Variants in NFASC observed in about 807,000 individuals in gnomAD.
The protein encoded by NFASC is neurofascin homolog.
A neutral mutation model predicts 147.5 loss-of-function variants in NFASC; 43 were observed. The observed-to-expected ratio is 0.29, with a 90% CI of 0.23 to 0.38. The LOEUF (loss-of-function observed/expected upper bound fraction) is 0.38, where lower values mean the gene tolerates loss of function less well. Ranked by LOEUF, NFASC falls within the 10% of genes least tolerant of loss-of-function variation. The pLI is 1.00. For synonymous variants in NFASC, 622 were observed against 665.5 expected, an observed-to-expected ratio of 0.93 and a Z score of 1.01; for missense variants, 1,320 against 1,689.0, an observed-to-expected ratio of 0.78 and a Z score of 3.83.
chr1:204,922,023 G>T (rs1182458901), intron 2 of NFASC, among the ~76,000 whole-genome samples: 1 of 152,178 alleles, frequency 6.6e-6, no homozygotes, highest in Non-Finnish European at 1.5e-5. Flanking sequence ...TTTGGCAGGG[G>T]TGGCGCGGGC....
chr1:204,909,028 A>G (rs1216731292), intron 1 of NFASC, among the ~76,000 whole-genome samples: 1 of 152,242 alleles, frequency 6.6e-6, no homozygotes, highest in Non-Finnish European at 1.5e-5. Flanking sequence ...CCTATTATGA[A>G]TAAAGCTGTT....
At chr1:204,853,782 G>A (rs1258536308) in intron 1 of NFASC, among the ~76,000 whole-genome samples, 1 of 152,182 alleles carries the variant, frequency 6.6e-6, no homozygotes, top group Non-Finnish European at 1.5e-5. Context: ...GTGTGAATGA[G>A]TTTCTTAGCT....
At chr1:204,996,336 G>C (rs1369521082) in intron 24 of NFASC, among the ~76,000 whole-genome samples, 1 of 152,188 alleles carries the variant, frequency 6.6e-6, no homozygotes, top group Non-Finnish European at 1.5e-5. Context: ...GGGCTGGGAA[G>C]GTGGTGCTGC....
intron 27 of NFASC, among the ~76,000 whole-genome samples, chr1:205,008,058 C>T (rs1458112006): frequency 6.6e-6 from 1 of 152,148 alleles, no homozygotes; most frequent in Admixed American, 6.5e-5. Flanking sequence ...CCCGGGGCGC[C>T]CTGGGCAACC....
intron 1 of NFASC, among the ~76,000 whole-genome samples, chr1:204,868,378 A>T (rs1192114762): frequency 6.6e-6 from 1 of 152,068 alleles, no homozygotes; most frequent in African/African-American, 2.4e-5. Context: ...GAGGAGCACG[A>T]CCTGGCTGCC....
At chr1:204,940,483 T>G (rs922161189) in intron 2 of NFASC, among the ~76,000 whole-genome samples, 4 of 151,506 alleles carry the variant, frequency 2.6e-5, no homozygotes, top group South Asian at 2.1e-4. Context: ...AAGTGCACAA[T>G]TCAGTAGCAT....
At chr1:204,842,451 C>CT (rs954463998) in intron 1 of NFASC, among the ~76,000 whole-genome samples, 1 of 151,712 alleles carries the variant, frequency 6.6e-6, no homozygotes, top group African/African-American at 2.4e-5. Flanking sequence ...CCTTTTTTCT[C>CT]TTTGAGTGTC....
chr1:205,013,620 G>T (rs1379523395), intron 29 of NFASC, among the ~76,000 whole-genome samples: 1 of 152,188 alleles, frequency 6.6e-6, no homozygotes, highest in African/African-American at 2.4e-5. Flanking sequence ...CTTTGTATGT[G>T]GGCTTAACAA....
At chr1:204,871,334 G>A (rs926529569) in intron 1 of NFASC, among the ~76,000 whole-genome samples, 2 of 152,148 alleles carry the variant, frequency 1.3e-5, no homozygotes, top group African/African-American at 4.8e-5. Context: ...TAAATGAGCT[G>A]AAATTTTAGG....
intron 1 of NFASC, among the ~76,000 whole-genome samples, chr1:204,839,468 G>A (rs559037585): frequency 6.6e-6 from 1 of 152,230 alleles, no homozygotes. Context: ...AGAGCTGCGG[G>A]TGGGATGCAG....
At position 204,968,356 on chromosome 1, in the gene NFASC, G is replaced by A. The variant is rs2095069973; in HGVS notation, c.814G>A (p.Gly272Arg). Residue 272 changes from glycine to arginine, a missense_variant, in exon 9 of 30, where the codon GGG (glycine) becomes AGG (arginine). Gly to Arg is a moderately radical substitution (Grantham distance 125, BLOSUM62 -2). Transcript: ENST00000339876. The surrounding 1 kb of genome is among the most constrained non-coding windows in gnomAD (Gnocchi z 5.4). ...MDLLLECIASGVPTPDIAWYK... is the reference protein window; with the variant it reads ...MDLLLECIASRVPTPDIAWYK... Reference sequence around the variant, plus strand: ...CCTCCTGCTGGAATGCATCGCCTCCGGGGTGTATGTGCGGTTTGCAGCCCC... The same window carrying A: ...CCTCCTGCTGGAATGCATCGCCTCCAGGGTGTATGTGCGGTTTGCAGCCCC... 1.9e-6 allele frequency: 3 copies of A among 1,612,368 alleles called. No homozygotes were observed. The highest frequency in any genetic ancestry group is 2.5e-6 in the Non-Finnish European group (3 of 1,178,400).
chr1:204,915,136 C>T (rs893493806), intron 1 of NFASC, among the ~76,000 whole-genome samples: 9 of 151,908 alleles, frequency 5.9e-5, no homozygotes, highest in African/African-American at 1.7e-4. Flanking sequence ...AAAAATTAGC[C>T]GGGCGTGGTG....
At position 204,974,756 on chromosome 1, in the gene NFASC, C is replaced by A. The variant is rs1231186256; in HGVS notation, c.1491C>A (p.Gly497=). 1.2e-6 allele frequency: 2 copies of A among 1,613,320 alleles called. No homozygotes were observed. The highest frequency in any genetic ancestry group is 2.7e-5 in the African/African-American group (2 of 74,606). Residue 497 remains glycine (G), a synonymous_variant, in exon 14 of 30, where the codon GGC becomes GGA. Transcript: ENST00000339876. The stretch of plus-strand genomic sequence containing the variant: ...AGATGATCCGCAAAGAGGACCAGGG[C>A]ATCTACACCTGTGTCGCCACCAACA... ...EIKMIRKEDQ[G]IYTCVATNIL...
chr1:205,008,225 G>A (rs542055333), intron 27 of NFASC, among the ~76,000 whole-genome samples: 4 of 152,342 alleles, frequency 2.6e-5, no homozygotes, highest in South Asian at 4.1e-4. Flanking sequence ...CACTGGGAAG[G>A]CTGTAAAAAC....
rs776940148 is a variant in NFASC, at chr1:204,975,409, T to C, written c.1697T>C (p.Ile566Thr). The C allele has an allele frequency of 1.1e-5, 17 of 1,612,608 alleles. No homozygotes were observed. Among genetic ancestry groups the C allele is most frequent in the Non-Finnish European group, 1.4e-5 (16 of 1,178,840 alleles). The change falls in exon 15 of 30, where the codon ATT becomes ACT. Residue 566 changes from isoleucine (I) to threonine (T), a missense_variant. Physicochemically the swap from Ile to Thr is moderately conservative, Grantham distance 89 (BLOSUM62 -1). Coordinates refer to ENST00000339876, the MANE Select transcript of NFASC (RefSeq NM_001005388.3). This position sits in a 1 kb window ranked among gnomAD's most constrained non-coding sequence, Gnocchi z 4.0. ...CTGAAGGATGACGAGCCGCTCTATA[T>C]TGGAAACAGGTTTCTCTTCCCCCTT... ...SWLKDDEPLY[I>T]GNRMKKEDDS... is the part of the protein sequence containing the mutation.
intron 27 of NFASC, among the ~76,000 whole-genome samples, chr1:205,008,153 G>T (rs1219003688): frequency 6.6e-6 from 1 of 152,062 alleles, no homozygotes; most frequent in African/African-American, 2.4e-5. Flanking sequence ...GCACTGGGAA[G>T]GCTGTAAAAT....
At chr1:204,951,953 A>G (rs1216340999) in intron 4 of NFASC, 58 bp from the exon 5 acceptor site, 11 of 1,427,526 alleles carry the variant, frequency 7.7e-6, no homozygotes, top group Non-Finnish European at 9.8e-7. Flanking sequence ...CTGTTCCCCA[A>G]GCTGGACCCC....
chr1:204,945,700 G>A (rs1447211884), intron 3 of NFASC, among the ~76,000 whole-genome samples: 7 of 152,252 alleles, frequency 4.6e-5, no homozygotes, highest in Non-Finnish European at 4.4e-5. Context: ...CAGGGAGGGA[G>A]GGAGGGAGGA....
Position 204,994,079 on chromosome 1 carries a change from G to A in NFASC, c.2782+2773G>A, listed in dbSNP as rs771942350. On this transcript the variant is annotated intron_variant, in intron 24 of 29. Coordinates refer to ENST00000339876, the MANE Select transcript of NFASC (RefSeq NM_001005388.3). ...AATAGACACAGCTAATGAGTGGGTC[G>A]GAGATGTGCCAGCAGTGACCTTAGC... 3.3e-5 allele frequency among the ~76,000 whole-genome samples: 5 copies of A among 152,140 alleles called. No individual in the cohort carries two copies. The South Asian group carries it at 6.2e-4, about 19-fold the overall frequency.
Sources: gnomAD v4.1 joint callset for allele counts (sites outside exome capture counted in the v4.1 genomes callset) on GRCh38, gnomAD v4.1.1 for gene constraint, Gnocchi (gnomAD v3.1) non-coding constraint, MANE v1.5 for transcripts, NCBI Gene and HGNC (gene_info 2026-07-23, HGNC 2026-07-21) for gene names.